Variants in RSPH14 observed in about 807,000 individuals in gnomAD.
The protein encoded by RSPH14 is rhabdoid tumor deletion region gene 1.
RSPH14 carries 20 observed loss-of-function variants against 26.7 expected under a neutral mutation model. The ratio of observed to expected loss-of-function variants is 0.75; its 90% CI spans 0.53 to 1.09. The LOEUF is 1.09. Ranked by LOEUF, RSPH14 falls within the 50% of genes least tolerant of loss-of-function variation. RSPH14 has a pLI of 0.00. For synonymous variants in RSPH14, 177 were observed against 189.3 expected, an observed-to-expected ratio of 0.93 and a Z score of 0.53; for missense variants, 449 against 457.2, an observed-to-expected ratio of 0.98 and a Z score of 0.16.
At chr22:23,139,895 T>C (rs777910621) in intron 2 of RSPH14, among the ~76,000 whole-genome samples, 8 of 152,100 alleles carry the variant, frequency 5.3e-5, no homozygotes, top group Non-Finnish European at 1.2e-4. Context: ...ATCTTGTTTA[T>C]AAAAAAATAA....
At chr22:23,131,714 C>T (rs1302927207) in intron 4 of RSPH14, 1 of 1,062,204 alleles carries the variant, frequency 9.4e-7, no homozygotes, top group South Asian at 1.3e-5. Flanking sequence ...TTAGCTCAAC[C>T]CAGCACTGGT....
intron 4 of RSPH14, among the ~76,000 whole-genome samples, chr22:23,128,750 CAAAT>C (rs961979257): frequency 4.6e-5 from 7 of 152,204 alleles, no homozygotes; most frequent in Admixed American, 3.3e-4. Context: ...CACATACTGT[CAAAT>C]GAATGAAGGA....
chr22:23,141,565 G>GC (rs2146459494), intron 1 of RSPH14, among the ~76,000 whole-genome samples: 1 of 152,290 alleles, frequency 6.6e-6, no homozygotes, highest in African/African-American at 2.4e-5. Context: ...CGTAAGCCTG[G>GC]CATACCAGGG....
the RSPH14 span, among the ~76,000 whole-genome samples, chr22:23,165,031 C>A: frequency 6.6e-6 from 1 of 152,154 alleles, no homozygotes; most frequent in African/African-American, 2.4e-5. Context: ...TGGACACCCC[C>A]ACAGCTCTCG....
At chr22:23,060,556 C>G (rs1172047957) in intron 6 of RSPH14, among the ~76,000 whole-genome samples, 4 of 152,198 alleles carry the variant, frequency 2.6e-5, no homozygotes, top group Admixed American at 6.5e-5. Flanking sequence ...CACATGGTTC[C>G]TGAGAGATGC....
At chr22:23,116,724 T>C (rs1170369474) in intron 4 of RSPH14, among the ~76,000 whole-genome samples, 1 of 152,186 alleles carries the variant, frequency 6.6e-6, no homozygotes, top group Non-Finnish European at 1.5e-5. Context: ...GCCCAGGCGC[T>C]TGTCCCACAC....
chr22:23,108,910 G>C (rs1218627991), intron 4 of RSPH14, among the ~76,000 whole-genome samples: 1 of 152,248 alleles, frequency 6.6e-6, no homozygotes, highest in African/African-American at 2.4e-5. Flanking sequence ...CGAGGCAGGA[G>C]ACATGCTGTG....
At chr22:23,179,173 C>T in the RSPH14 span, among the ~76,000 whole-genome samples, 28 of 152,272 alleles carry the variant, frequency 1.8e-4, no homozygotes, top group African/African-American at 6.0e-4. Flanking sequence ...CTCCAGATGA[C>T]GCTGGCATTG....
chr22:23,121,036 C>T (rs1249129759), intron 4 of RSPH14, among the ~76,000 whole-genome samples: 1 of 152,202 alleles, frequency 6.6e-6, no homozygotes, highest in South Asian at 2.1e-4. Flanking sequence ...TAATTACTCC[C>T]TCAGCAGAAT....
intron 4 of RSPH14, among the ~76,000 whole-genome samples, chr22:23,118,918 G>A (rs2069929647): frequency 6.6e-6 from 1 of 152,228 alleles, no homozygotes; most frequent in African/African-American, 2.4e-5. Context: ...AGGGCAGGAG[G>A]ACCCAGGGGA....
At chr22:23,159,238 G>C in the RSPH14 span, 1 of 1,596,904 alleles carries the variant, frequency 6.3e-7, no homozygotes, top group Non-Finnish European at 8.5e-7. Flanking sequence ...GTACTGGTCA[G>C]TGTCGGCCAA....
intron 6 of RSPH14, 151 bp from the exon 7 acceptor site, chr22:23,059,869 G>T: frequency 1.2e-6 from 1 of 854,760 alleles, no homozygotes; most frequent in Non-Finnish European, 1.6e-6. Flanking sequence ...TCACCCTCAG[G>T]GCTCTTGCAC....
At chr22:23,173,648 T>C in the RSPH14 span, among the ~76,000 whole-genome samples, 2 of 147,104 alleles carry the variant, frequency 1.4e-5, no homozygotes, top group Non-Finnish European at 3.0e-5. Flanking sequence ...TTTTTTTTTT[T>C]AGAGATGGGG....
At chr22:23,097,558 G>A (rs1219221537) in intron 4 of RSPH14, among the ~76,000 whole-genome samples, 2 of 152,246 alleles carry the variant, frequency 1.3e-5, no homozygotes, top group Non-Finnish European at 2.9e-5. Context: ...GTGCCTGGGG[G>A]AAACGAATGA....
At chr22:23,143,440 GGCAAGAAAATA>G (rs568686929), upstream of RSPH14, among the ~76,000 whole-genome samples, 1 of 152,130 alleles carries the variant, frequency 6.6e-6, no homozygotes, top group Non-Finnish European at 1.5e-5. Context: ...ACTGTACCAG[GGCAAGAAAATA>G]GCCCTTGTCA....
intron 4 of RSPH14, among the ~76,000 whole-genome samples, chr22:23,079,250 G>A (rs1477917395): frequency 2.0e-5 from 3 of 152,224 alleles, no homozygotes; most frequent in Non-Finnish European, 4.4e-5. Context: ...GAATATGGGG[G>A]TCATTTTCCA....
chr22:23,134,003 C>A, intron 4 of RSPH14, 23 bp downstream of exon 4: 1 of 1,572,256 alleles, frequency 6.4e-7, no homozygotes, highest in Non-Finnish European at 8.8e-7. Context: ...CCCGACAGAT[C>A]TGTGTGCAGG....
chr22:23,141,541 T>C (rs570493427), intron 1 of RSPH14, among the ~76,000 whole-genome samples: 39 of 152,306 alleles, frequency 2.6e-4, no homozygotes, highest in Non-Finnish European at 5.0e-4. Context: ...AGAGTTGTCA[T>C]ATTAACGAAT....
At chr22:23,105,407 C>T (rs2069437385) in intron 4 of RSPH14, among the ~76,000 whole-genome samples, 1 of 152,250 alleles carries the variant, frequency 6.6e-6, no homozygotes, top group Non-Finnish European at 1.5e-5. Context: ...ACTGGGATCT[C>T]TCCCCACTAC....
Sources: allele counts gnomAD v4.1 joint callset (sites outside exome capture counted in the v4.1 genomes callset), GRCh38; gene constraint gnomAD v4.1.1; transcripts MANE v1.5; gene names NCBI Gene and HGNC (gene_info 2026-07-23, HGNC 2026-07-21).